RAD51B: variants seen among roughly 807,000 people sequenced by gnomAD.
The protein encoded by RAD51B is DNA repair protein RAD51 homolog 2.
Under a neutral mutation model 42.2 loss-of-function variants are expected in RAD51B, and 38 were observed. That is an observed-to-expected ratio of 0.90 (90% confidence interval 0.70 to 1.18). RAD51B has a LOEUF of 1.18. Ranked by LOEUF, RAD51B falls within the 50% of genes most tolerant of loss-of-function variation. The probability of loss-of-function intolerance (pLI) is 0.00; values close to 1 mark genes in which losing one functional copy is unlikely to be tolerated. For synonymous variants in RAD51B, 154 were observed against 145.2 expected (o/e 1.06, Z -0.43); for missense variants, 373 against 400.7 (o/e 0.93, Z 0.59).
rs559766516 is a variant in RAD51B, at chr14:68,078,005, G to A, written c.756+190801G>A. 2.0e-5 allele frequency among the ~76,000 whole-genome samples: 3 copies of A among 152,092 alleles called. No individual in the cohort carries two copies. The East Asian group carries it at 5.8e-4, about 29-fold the overall frequency. On this transcript the variant is annotated intron_variant, in intron 7 of 10. Transcript: ENST00000471583. ...GCTTGTTCTTATATGTACATAAGGTGGAAGGTAAACATTTTAAGTGTCTGT... is the reference window on the plus strand; with the variant it reads ...GCTTGTTCTTATATGTACATAAGGTAGAAGGTAAACATTTTAAGTGTCTGT...
At chr14:68,065,710 G>GTGC (rs1432804838) in intron 7 of RAD51B, among the ~76,000 whole-genome samples, 2 of 152,114 alleles carry the variant, frequency 1.3e-5, no homozygotes, top group Non-Finnish European at 2.9e-5. Flanking sequence ...TGGGATTGAG[G>GTGC]TGCTGCAACC....
At chr14:68,233,096 C>T (rs1005406862) in intron 7 of RAD51B, among the ~76,000 whole-genome samples, 2 of 151,896 alleles carry the variant, frequency 1.3e-5, no homozygotes, top group Non-Finnish European at 2.9e-5. Context: ...CATTAGGAGA[C>T]TTGGGTATGT....
At chr14:67,853,303 C>A (rs1485352463) in intron 4 of RAD51B, among the ~76,000 whole-genome samples, 1 of 152,170 alleles carries the variant, frequency 6.6e-6, no homozygotes, top group Non-Finnish European at 1.5e-5. Context: ...AAGCAGAGAA[C>A]CTAGCCAACC....
rs544229670 is a variant in RAD51B at position 67,868,418 on chromosome 14, C to A, written c.452+3279C>A. On this transcript the variant is annotated intron_variant, in intron 5 of 10. Transcript: ENST00000471583. ...AGCATCAGGAGATTATATCCCGCACCTGGCTCAGAGGGTCCTACGCCCATG... is the reference window on the plus strand; with the variant it reads ...AGCATCAGGAGATTATATCCCGCACATGGCTCAGAGGGTCCTACGCCCATG... 3.2e-3 allele frequency among the ~76,000 whole-genome samples: 478 copies of A among 150,090 alleles called. 1 individual carries two copies. The highest frequency in any genetic ancestry group is 0.011 in the African/African-American group (455 of 41,078).
intron 10 of RAD51B, among the ~76,000 whole-genome samples, chr14:68,543,202 T>C (rs898531518): frequency 6.6e-6 from 1 of 152,184 alleles, no homozygotes; most frequent in Admixed American, 6.5e-5. Context: ...CTAAAAAAAA[T>C]TTCTTTACAA....
At chr14:67,822,019 T>C (rs2040646449) in intron 1 of RAD51B, 1 of 151,916 alleles carries the variant, frequency 6.6e-6, no homozygotes. Flanking sequence ...GAGAGAGAGA[T>C]TGATTCAGTC....
chr14:68,460,227 G>A (rs1285405706), intron 9 of RAD51B, among the ~76,000 whole-genome samples: 1 of 152,032 alleles, frequency 6.6e-6, no homozygotes, highest in East Asian at 1.9e-4. Context: ...TGAAGCAGGT[G>A]GATCACCTGA....
intron 7 of RAD51B, among the ~76,000 whole-genome samples, chr14:67,994,233 G>GA (rs944758871): frequency 1.9e-4 from 29 of 150,896 alleles, no homozygotes; most frequent in South Asian, 1.3e-3. Flanking sequence ...TTTTTTTCAA[G>GA]AAAAAAAAGC....
intron 7 of RAD51B, among the ~76,000 whole-genome samples, chr14:68,083,272 T>G (rs1566630724): frequency 6.6e-6 from 1 of 152,234 alleles, no homozygotes; most frequent in Non-Finnish European, 1.5e-5. Context: ...TCAGCCTGTA[T>G]CAGATAATTC....
chr14:68,562,729 A>T (rs1419868256), intron 10 of RAD51B: 45 of 985,230 alleles, frequency 4.6e-5, no homozygotes, highest in Non-Finnish European at 5.2e-5. Context: ...ACAGCTATTC[A>T]TCCCCCTGGT....
chr14:68,584,006 A>G (rs954391150), intron 10 of RAD51B, among the ~76,000 whole-genome samples: 5 of 152,116 alleles, frequency 3.3e-5, no homozygotes, highest in Non-Finnish European at 7.4e-5. Context: ...AGCTTAGCCA[A>G]TGAAAACCGG....
chr14:68,083,023 T>C (rs1004704138), intron 7 of RAD51B, among the ~76,000 whole-genome samples: 2 of 152,230 alleles, frequency 1.3e-5, no homozygotes, highest in Admixed American at 6.5e-5. Flanking sequence ...TCACAACTCT[T>C]ACTGTCAGAC....
chr14:68,398,892 A>G (rs561543588), intron 8 of RAD51B, among the ~76,000 whole-genome samples: 2 of 152,264 alleles, frequency 1.3e-5, no homozygotes, highest in South Asian at 4.1e-4. Context: ...TGCCTAATAC[A>G]TGATTTTTTT....
At chr14:68,566,938 G>A (rs1594980147) in intron 10 of RAD51B, among the ~76,000 whole-genome samples, 1 of 152,054 alleles carries the variant, frequency 6.6e-6, no homozygotes, top group African/African-American at 2.4e-5. Context: ...TGTGTATTTT[G>A]CTTACTTCTT....
chr14:67,849,980 C>T (rs559560560), intron 4 of RAD51B, among the ~76,000 whole-genome samples: 1 of 152,274 alleles, frequency 6.6e-6, no homozygotes, highest in Admixed American at 6.5e-5. Context: ...GCTTCCTTCT[C>T]ATTTGTAGGT....
chr14:68,595,775 C>G (rs894440220), exon 11 of RAD51B: 1 of 422,786 alleles, frequency 2.4e-6, no homozygotes, highest in Middle Eastern at 8.7e-4. Context: ...AAAGTGTTCA[C>G]ACCATATTAT....
chr14:68,250,806 C>T (rs2080612759), intron 7 of RAD51B, among the ~76,000 whole-genome samples: 1 of 152,196 alleles, frequency 6.6e-6, no homozygotes, highest in Non-Finnish European at 1.5e-5. Context: ...GGTTATGGAA[C>T]ATTCCCAGGA....
downstream of RAD51B, among the ~76,000 whole-genome samples, chr14:68,600,536 A>G (rs1435430235): frequency 6.6e-6 from 1 of 152,126 alleles, no homozygotes; most frequent in Non-Finnish European, 1.5e-5. Flanking sequence ...GGAGGACTGC[A>G]TGCCTTTAGG....
At chr14:68,178,950 C>G (rs1275625819) in intron 7 of RAD51B, among the ~76,000 whole-genome samples, 1 of 152,132 alleles carries the variant, frequency 6.6e-6, no homozygotes, top group Non-Finnish European at 1.5e-5. Context: ...ATAGGAAACA[C>G]TTTGAAGTGT....
Sources: gnomAD v4.1 joint callset for allele counts (sites outside exome capture counted in the v4.1 genomes callset) on GRCh38, gnomAD v4.1.1 for gene constraint, MANE v1.5 for transcripts, NCBI Gene and HGNC (gene_info 2026-07-23, HGNC 2026-07-21) for gene names.